Variants in BEST3 observed in about 807,000 individuals in gnomAD.
BEST3 encodes the protein bestrophin 3, also known as bestrophin-3.
In BEST3, 50 loss-of-function variants were observed where a neutral mutation model predicts 47.1. That is an observed-to-expected ratio of 1.06 (90% CI 0.85 to 1.34). BEST3 has a LOEUF of 1.34. Ranked by LOEUF, BEST3 falls within the 40% of genes most tolerant of loss-of-function variation. The probability of loss-of-function intolerance (pLI) is 0.00; values close to 1 mark genes in which losing one functional copy is unlikely to be tolerated. For synonymous variants in BEST3, 282 were observed against 298.8 expected (o/e 0.94, Z 0.58); for missense variants, 765 against 817.0 (o/e 0.94, Z 0.78).
intron 9 of BEST3, 106 bp from the exon 10 acceptor site, chr12:69,655,919 T>G: frequency 6.8e-7 from 1 of 1,465,822 alleles, no homozygotes; most frequent in African/African-American, 1.4e-5. Flanking sequence ...GCCTTATAGA[T>G]TTTTTAAATG....
In BEST3 at chr12:69,655,102, T is replaced by G. The variant is rs1883376350; in HGVS notation, c.1812A>C (p.Gly604=). The G allele has an allele frequency of 1.2e-6, 2 of 1,614,062 alleles. No homozygotes were observed. Among genetic ancestry groups the G allele is most frequent in the South Asian group, 2.2e-5 (2 of 91,086 alleles). ...AGCTCATGGGGTCTGGACTTAGGTT[T>G]CCCAGGGAAGTGTGGCTGGACCCCA... ...GFLGSSHTSL[G]NLSPDPMSSQ... The change falls in exon 10 of 10, where the codon GGA becomes GGC. Residue 604 remains glycine (G), a synonymous_variant. Coordinates refer to ENST00000330891, the MANE Select transcript of BEST3 (RefSeq NM_032735.3).
At chr12:69,658,407 G>A (rs1402361341) in intron 9 of BEST3, among the ~76,000 whole-genome samples, 1 of 152,134 alleles carries the variant, frequency 6.6e-6, no homozygotes, top group Non-Finnish European at 1.5e-5. Flanking sequence ...CAAGCAAACT[G>A]CAAAACGTCT....
intron 1 of BEST3, among the ~76,000 whole-genome samples, chr12:69,698,288 A>T (rs553408853): frequency 2.1e-4 from 32 of 152,286 alleles, no homozygotes; most frequent in African/African-American, 6.7e-4. Context: ...TTTCCCCATG[A>T]CAAGTTGTAC....
intron 4 of BEST3, among the ~76,000 whole-genome samples, chr12:69,686,636 G>A (rs1885606808): frequency 6.6e-6 from 1 of 151,888 alleles, no homozygotes; most frequent in African/African-American, 2.4e-5. Flanking sequence ...GCCGGGTGTG[G>A]TGGCCTGTGC....
At chr12:69,674,333 A>G (rs1183011863) in intron 7 of BEST3, among the ~76,000 whole-genome samples, 1 of 152,138 alleles carries the variant, frequency 6.6e-6, no homozygotes, top group Non-Finnish European at 1.5e-5. Context: ...TCTTAAAAAA[A>G]CCCGATTGAT....
rs568405555 is a variant in BEST3, at chr12:69,669,762, G to A, written c.1100+1666C>T. 3.3e-5 allele frequency: 5 copies of A among 152,162 alleles called. No homozygotes were observed. In the East Asian group the frequency reaches 9.6e-4, roughly 29 times the overall value. 9.4% of individuals were successfully genotyped at this position (152,162 alleles called of 1,614,324 possible). On this transcript the variant is annotated intron_variant, in intron 9 of 9. Coordinates refer to ENST00000330891, the MANE Select transcript of BEST3 (RefSeq NM_032735.3). ...CTTGTCAATCCCTATTTCTGTTTCT[G>A]TATTTAGAAACAAGAGAAATGTGTT...
chr12:69,643,713 G>A (rs1882946156), exon 10 of BEST3: 1 of 715,362 alleles, frequency 1.4e-6, no homozygotes, highest in Non-Finnish European at 2.6e-6. Flanking sequence ...ATCACTCTTA[G>A]CACACTGGAA....
chr12:69,662,575 C>T (rs1036703022), intron 9 of BEST3, among the ~76,000 whole-genome samples: 6 of 152,090 alleles, frequency 3.9e-5, no homozygotes, highest in African/African-American at 1.4e-4. Flanking sequence ...GTTACATATT[C>T]GTAGAACTTT....
chr12:69,653,477 C>T (rs900341500), downstream of BEST3: 11 of 297,978 alleles, frequency 3.7e-5, no homozygotes, highest in South Asian at 2.6e-4. Context: ...TGTCACTTCT[C>T]GGCTATGTGA....
rs538705615 is a variant in BEST3, at chr12:69,666,179, C to T, written c.1100+5249G>A. Among the ~76,000 whole-genome samples the T allele has an allele frequency of 1.1e-4, 17 of 152,192 alleles. No homozygotes were observed. The South Asian group carries it at 1.7e-3, about 15-fold the overall frequency. ...GGACTACAGGTGTGCACCACCATGC[C>T]GGCTAATTTTTGTATTTTTGGTGGA... On this transcript the variant is annotated intron_variant, in intron 9 of 9. Transcript: ENST00000330891.
intron 9 of BEST3, chr12:69,670,647 C>A (rs1884510386): frequency 2.9e-6 from 2 of 683,574 alleles, no homozygotes; most frequent in Middle Eastern, 3.6e-4. Context: ...GCAGCAACCA[C>A]AGGACACAAA....
chr12:69,655,374 TG>T lies in BEST3; in HGVS notation c.1539del (p.Thr514HisfsTer14). 1 of 1,614,092 alleles carries T rather than the reference TG, an allele frequency of 6.2e-7. No individual in the cohort carries two copies. The highest frequency in any genetic ancestry group is 1.3e-5 in the African/African-American group (1 of 75,006). On this transcript the variant is annotated frameshift_variant, in exon 10 of 10. Coordinates refer to ENST00000330891, the MANE Select transcript of BEST3 (RefSeq NM_032735.3). LOFTEE classifies it low-confidence loss of function (END_TRUNC). ...GAATCATGGTGGTAGCCCCCTGATGTGGGCACTGGTGCTTCGGCTGCTGTGA... is the reference window on the plus strand; with the variant it reads ...GAATCATGGTGGTAGCCCCCTGATGTGGCACTGGTGCTTCGGCTGCTGTGA... ...VLITAAEAPV[P>X]TSGGYHHDSA...
At chr12:69,681,184 T>C (rs1356759022) in intron 4 of BEST3, among the ~76,000 whole-genome samples, 2 of 152,130 alleles carry the variant, frequency 1.3e-5, no homozygotes, top group Non-Finnish European at 2.9e-5. Flanking sequence ...TTTTGAGTTT[T>C]TTTTTCTCAG....
At chr12:69,680,702 C>T (rs1258225349) in intron 4 of BEST3, among the ~76,000 whole-genome samples, 1 of 152,094 alleles carries the variant, frequency 6.6e-6, no homozygotes, top group Non-Finnish European at 1.5e-5. Context: ...CTCCTTTTCC[C>T]AGCCATAAAA....
intron 9 of BEST3, among the ~76,000 whole-genome samples, chr12:69,656,050 A>G (rs907143146): frequency 6.6e-6 from 1 of 152,162 alleles, no homozygotes; most frequent in Non-Finnish European, 1.5e-5. Flanking sequence ...GGTTATATCT[A>G]TTACTCTTTA....
chr12:69,690,755 C>T lies in BEST3; in HGVS notation c.481+2919G>A, dbSNP rs148872229. ...TTTGTTTTTAGGTCTTTCTTAGAGA[C>T]GGTAATTCTTAATCTATTTGTTCCT... On this transcript the variant is annotated intron_variant, in intron 4 of 9. Coordinates refer to ENST00000330891, the MANE Select transcript of BEST3 (RefSeq NM_032735.3). 4.9e-4 allele frequency among the ~76,000 whole-genome samples: 75 copies of T among 152,204 alleles called. No homozygotes were observed. The South Asian group carries it at 5.4e-3, about 11-fold the overall frequency.
At chr12:69,678,694 G>T in intron 5 of BEST3, 45 bp downstream of exon 5, 2 of 1,578,542 alleles carry the variant, frequency 1.3e-6, no homozygotes, top group South Asian at 2.2e-5. Context: ...GGTCCTTCTT[G>T]GTCTCTAATT....
intron 4 of BEST3, chr12:69,684,160 T>G (rs1016642140): frequency 4.4e-4 from 72 of 164,420 alleles, no homozygotes; most frequent in African/African-American, 1.5e-3. Flanking sequence ...GGCATAGCTA[T>G]TTTATCCTGC....
chr12:69,687,895 C>T (rs564971821), intron 4 of BEST3, among the ~76,000 whole-genome samples: 1 of 152,204 alleles, frequency 6.6e-6, no homozygotes, highest in Non-Finnish European at 1.5e-5. Flanking sequence ...TTTTACTAAT[C>T]CTTGAGTATG....
Sources: allele counts gnomAD v4.1 joint callset (sites outside exome capture counted in the v4.1 genomes callset), GRCh38; gene constraint gnomAD v4.1.1; transcripts MANE v1.5; gene names NCBI Gene and HGNC (gene_info 2026-07-23, HGNC 2026-07-21).